The following TEF variants were observed in gnomAD, a reference collection of about 807,000 sequenced individuals.
TEF encodes the protein TEF transcription factor, PAR bZIP family member, also known as thyrotroph embryonic factor.
TEF carries 3 observed loss-of-function variants against 20.8 expected under a neutral mutation model. That is an observed-to-expected ratio of 0.14 (90% CI 0.07 to 0.37). The LOEUF is 0.37. TEF is among the 10% of genes least tolerant of loss of function. The pLI is 1.00. For synonymous variants in TEF, 180 were observed against 171.1 expected (o/e 1.05, Z -0.41); for missense variants, 296 against 397.9 (o/e 0.74, Z 2.18).
chr22:41,380,643 G>A (rs2037005701), upstream of TEF, among the ~76,000 whole-genome samples: 1 of 152,188 alleles, frequency 6.6e-6, no homozygotes, highest in Admixed American at 6.5e-5. Context: ...GAGTTAAGCG[G>A]GGAGTCTAAT....
intron 1 of TEF, among the ~76,000 whole-genome samples, chr22:41,368,772 G>A (rs1790445250): frequency 6.6e-6 from 1 of 152,156 alleles, no homozygotes; most frequent in South Asian, 2.1e-4. Flanking sequence ...GACAGTCCAG[G>A]CCACCCTCTG....
At chr22:41,375,594 CA>C (rs1030152108) in intron 1 of TEF, among the ~76,000 whole-genome samples, 2 of 151,616 alleles carry the variant, frequency 1.3e-5, no homozygotes, top group Admixed American at 1.3e-4. Context: ...ACTATAAATA[CA>C]AAAAAATTAG....
intron 1 of TEF, among the ~76,000 whole-genome samples, chr22:41,373,519 G>C (rs963854944): frequency 3.3e-5 from 5 of 151,996 alleles, no homozygotes; most frequent in African/African-American, 4.8e-5. Flanking sequence ...GCCCAGGCTG[G>C]AGTGTGGTGG....
At chr22:41,368,371 G>A (rs898664795) in intron 1 of TEF, among the ~76,000 whole-genome samples, 9 of 152,128 alleles carry the variant, frequency 5.9e-5, no homozygotes, top group African/African-American at 1.4e-4. Flanking sequence ...TGCTGCCTGA[G>A]TCTGACTTGA....
intron 1 of TEF, among the ~76,000 whole-genome samples, chr22:41,383,984 G>A (rs2037065615): frequency 6.6e-6 from 1 of 152,196 alleles, no homozygotes; most frequent in Admixed American, 6.5e-5. Context: ...TTAAACCAAA[G>A]CCTGGTATAG....
chr22:41,379,577 A>T (rs1158837738), upstream of TEF, among the ~76,000 whole-genome samples: 5 of 152,026 alleles, frequency 3.3e-5, no homozygotes, highest in South Asian at 1.0e-3. Context: ...GCATAAAAGG[A>T]AAAAACGCTG....
At chr22:41,381,258 G>C (rs545829984), upstream of TEF, among the ~76,000 whole-genome samples, 2 of 152,198 alleles carry the variant, frequency 1.3e-5, no homozygotes, top group African/African-American at 4.8e-5. Flanking sequence ...CCTGCCCCGC[G>C]ACCCTGGGCA....
At chr22:41,378,547 T>C (rs547076860), upstream of TEF, among the ~76,000 whole-genome samples, 42 of 152,186 alleles carry the variant, frequency 2.8e-4, no homozygotes, top group East Asian at 4.8e-3. Flanking sequence ...AGGGTTTCAC[T>C]GTCAGCCAGT....
At chr22:41,372,474 T>C (rs2036893310) in intron 1 of TEF, among the ~76,000 whole-genome samples, 1 of 152,146 alleles carries the variant, frequency 6.6e-6, no homozygotes. Context: ...AAGGAAGGTA[T>C]GATCATCCAC....
intron 1 of TEF, among the ~76,000 whole-genome samples, chr22:41,385,432 C>G (rs151062115): frequency 4.1e-3 from 616 of 152,052 alleles, no homozygotes; most frequent in Non-Finnish European, 7.1e-3. Flanking sequence ...TGGAGGATAC[C>G]AAGGCTCAGA....
chr22:41,368,474 G>A (rs2036845588), intron 1 of TEF, among the ~76,000 whole-genome samples: 1 of 152,074 alleles, frequency 6.6e-6, no homozygotes, highest in African/African-American at 2.4e-5. Context: ...AGGTGGCCCT[G>A]GTTGTCCCCG....
chr22:41,391,993 T>C (rs1254256327), intron 2 of TEF, among the ~76,000 whole-genome samples: 2 of 152,252 alleles, frequency 1.3e-5, no homozygotes, highest in Non-Finnish European at 2.9e-5. Context: ...TAACATTTCA[T>C]GCAGGCAGGG....
chr22:41,383,626 T>G (rs2050092205), intron 1 of TEF, among the ~76,000 whole-genome samples: 1 of 152,216 alleles, frequency 6.6e-6, no homozygotes, highest in Non-Finnish European at 1.5e-5. Context: ...AGTTTGGTGC[T>G]CTTTCTACTG....
intron 1 of TEF, among the ~76,000 whole-genome samples, chr22:41,371,950 T>C (rs536008699): frequency 6.6e-6 from 1 of 151,822 alleles, no homozygotes; most frequent in African/African-American, 2.4e-5. Context: ...GAGCCGAGAG[T>C]GTGGACTCGG....
intron 1 of TEF, among the ~76,000 whole-genome samples, chr22:41,383,229 C>A (rs1190955451): frequency 6.6e-6 from 1 of 152,136 alleles, no homozygotes; most frequent in Non-Finnish European, 1.5e-5. Flanking sequence ...GCTGAGGCTC[C>A]CATCCCTGTG....
chr22:41,383,958 T>G (rs2037065286), intron 1 of TEF, among the ~76,000 whole-genome samples: 1 of 152,210 alleles, frequency 6.6e-6, no homozygotes, highest in African/African-American at 2.4e-5. Context: ...TTGACTTTCT[T>G]ACTTCTCAGT....
upstream of TEF, among the ~76,000 whole-genome samples, chr22:41,378,238 G>T (rs1461210091): frequency 3.4e-5 from 5 of 146,618 alleles, no homozygotes; most frequent in African/African-American, 1.0e-4. Context: ...GCACGATCTC[G>T]GCTCACTGCA....
At chr22:41,383,767 G>C (rs899633205) in intron 1 of TEF, among the ~76,000 whole-genome samples, 5 of 152,192 alleles carry the variant, frequency 3.3e-5, no homozygotes, top group Non-Finnish European at 5.9e-5. Context: ...GCAAAACCTG[G>C]AACTTATTGT....
intron 1 of TEF, among the ~76,000 whole-genome samples, chr22:41,376,086 T>G (rs1038709703): frequency 1.3e-5 from 2 of 152,094 alleles, no homozygotes; most frequent in African/African-American, 2.4e-5. Flanking sequence ...AAAGAGATCA[T>G]TATAGGGTAT....
Sources: gnomAD v4.1 joint callset for allele counts (sites outside exome capture counted in the v4.1 genomes callset) on GRCh38, gnomAD v4.1.1 for gene constraint, MANE v1.5 for transcripts, NCBI Gene and HGNC (gene_info 2026-07-23, HGNC 2026-07-21) for gene names.